Variants in SCHIP1 observed in about 807,000 individuals in gnomAD.
The protein encoded by SCHIP1 is schwannomin-interacting protein 1.
A neutral mutation model predicts 29.7 loss-of-function variants in SCHIP1; 8 were observed. The observed-to-expected ratio is 0.27, with a 90% confidence interval of 0.16 to 0.49. The LOEUF (loss-of-function observed/expected upper bound fraction) is 0.49, where lower values mean the gene tolerates loss of function less well. Ranked by LOEUF, SCHIP1 falls within the 20% of genes least tolerant of loss-of-function variation. SCHIP1 has a pLI of 0.99. For synonymous variants in SCHIP1, 76 were observed against 94.9 expected (o/e 0.80, Z 1.16); for missense variants, 193 against 294.6 (o/e 0.66, Z 2.52).
chr3:159,385,981 T>A, the SCHIP1 span, among the ~76,000 whole-genome samples: 2 of 152,196 alleles, frequency 1.3e-5, no homozygotes, highest in Admixed American at 6.5e-5. Flanking sequence ...TTGCTGAGAA[T>A]GATGGTTTCC....
the SCHIP1 span, among the ~76,000 whole-genome samples, chr3:159,799,377 T>C: frequency 6.6e-6 from 1 of 152,222 alleles, no homozygotes; most frequent in Non-Finnish European, 1.5e-5. Flanking sequence ...CATCAACTTC[T>C]CTCTCATCTG....
chr3:159,287,136 T>C, the SCHIP1 span, among the ~76,000 whole-genome samples: 3 of 152,172 alleles, frequency 2.0e-5, no homozygotes, highest in South Asian at 6.2e-4. Context: ...GTCATGAAAT[T>C]TTTGCCAGGT....
chr3:159,473,565 A>C, the SCHIP1 span, among the ~76,000 whole-genome samples: 1 of 151,368 alleles, frequency 6.6e-6, no homozygotes, highest in Non-Finnish European at 1.5e-5. Context: ...AATTTGCTAC[A>C]CCCTGTACAA....
chr3:159,715,633 A>C, the SCHIP1 span, among the ~76,000 whole-genome samples: 1 of 152,238 alleles, frequency 6.6e-6, no homozygotes, highest in Non-Finnish European at 1.5e-5. Context: ...AATTTGATCA[A>C]CTGGAAGAAA....
chr3:159,566,805 C>G, the SCHIP1 span, among the ~76,000 whole-genome samples: 2 of 152,128 alleles, frequency 1.3e-5, no homozygotes, highest in Non-Finnish European at 2.9e-5. Context: ...CAGAGAGTGC[C>G]GTACCTCCCT....
the SCHIP1 span, among the ~76,000 whole-genome samples, chr3:159,737,796 G>A: frequency 1.3e-5 from 2 of 152,244 alleles, no homozygotes; most frequent in Non-Finnish European, 2.9e-5. Flanking sequence ...GCAGCTGCCT[G>A]GAGCACTGGA....
chr3:159,502,451 A>G, the SCHIP1 span, among the ~76,000 whole-genome samples: 1 of 151,834 alleles, frequency 6.6e-6, no homozygotes, highest in African/African-American at 2.4e-5. Context: ...AGACCCACAT[A>G]TAGTGACCAA....
At chr3:159,355,154 G>T in the SCHIP1 span, among the ~76,000 whole-genome samples, 1 of 152,050 alleles carries the variant, frequency 6.6e-6, no homozygotes. Flanking sequence ...AACAATTCAG[G>T]CTGGATAGGA....
the SCHIP1 span, among the ~76,000 whole-genome samples, chr3:159,393,431 G>T: frequency 6.6e-6 from 1 of 151,922 alleles, no homozygotes; most frequent in South Asian, 2.1e-4. Flanking sequence ...TTCTTCTAGG[G>T]TTTTTATGGT....
the SCHIP1 span, among the ~76,000 whole-genome samples, chr3:159,786,660 T>A: frequency 7.7e-6 from 1 of 129,170 alleles, no homozygotes; most frequent in East Asian, 2.5e-4. Flanking sequence ...TGACTCTGAG[T>A]CAAAGCGTGT....
the SCHIP1 span, among the ~76,000 whole-genome samples, chr3:159,447,046 C>T: frequency 6.6e-6 from 1 of 152,102 alleles, no homozygotes; most frequent in Non-Finnish European, 1.5e-5. Context: ...AAGGAAAAAC[C>T]TAGCCTCCCA....
At chr3:159,509,245 T>C in the SCHIP1 span, among the ~76,000 whole-genome samples, 1 of 152,204 alleles carries the variant, frequency 6.6e-6, no homozygotes, top group Non-Finnish European at 1.5e-5. Context: ...TCTCTTTTGA[T>C]CTTTGTTGGT....
chr3:159,509,933 A>G, the SCHIP1 span, among the ~76,000 whole-genome samples: 8 of 152,162 alleles, frequency 5.3e-5, no homozygotes, highest in East Asian at 1.4e-3. Context: ...GGTGAATCTG[A>G]CAATTATGTG....
the SCHIP1 span, among the ~76,000 whole-genome samples, chr3:159,554,763 A>G: frequency 6.6e-6 from 1 of 151,722 alleles, no homozygotes. Context: ...GGAGTTGCTC[A>G]TCTCTGGGCT....
At chr3:159,634,222 TAA>T in the SCHIP1 span, among the ~76,000 whole-genome samples, 1 of 152,160 alleles carries the variant, frequency 6.6e-6, no homozygotes, top group African/African-American at 2.4e-5. Flanking sequence ...GTGTATATTT[TAA>T]AAGAAAAAGT....
chr3:159,694,601 AAAGAAAGG>A, the SCHIP1 span, among the ~76,000 whole-genome samples: 367 of 128,778 alleles, frequency 2.8e-3, 1 homozygote, highest in African/African-American at 0.011. Context: ...AGAAAGAAAG[AAAGAAAGG>A]AATTATGACC....
chr3:159,397,226 T>G, the SCHIP1 span, among the ~76,000 whole-genome samples: 1 of 151,768 alleles, frequency 6.6e-6, no homozygotes. Context: ...ATTCTTCTAA[T>G]TTTTTTTCAA....
chr3:159,582,820 A>G, the SCHIP1 span, among the ~76,000 whole-genome samples: 3 of 151,232 alleles, frequency 2.0e-5, no homozygotes, highest in African/African-American at 7.3e-5. Flanking sequence ...ACACACACAC[A>G]TTCAAAAATA....
At chr3:159,489,157 G>C in the SCHIP1 span, among the ~76,000 whole-genome samples, 2 of 152,072 alleles carry the variant, frequency 1.3e-5, no homozygotes, top group Non-Finnish European at 2.9e-5. Context: ...ATAGTTTTGT[G>C]TATCTTCTTT....
Sources: gnomAD v4.1 joint callset for allele counts (sites outside exome capture counted in the v4.1 genomes callset) on GRCh38, gnomAD v4.1.1 for gene constraint, MANE v1.5 for transcripts, NCBI Gene and HGNC (gene_info 2026-07-23, HGNC 2026-07-21) for gene names.